The following DLEC1 variants were observed in gnomAD, a reference collection of about 807,000 sequenced individuals.
The protein encoded by DLEC1 is DLEC1 cilia and flagella associated protein.
A neutral mutation model predicts 198.1 loss-of-function variants in DLEC1; 146 were observed. That is an observed-to-expected ratio of 0.74 (90% CI 0.64 to 0.85). The LOEUF is 0.85. DLEC1 is among the 40% of genes least tolerant of loss of function. The pLI, the probability that DLEC1 is intolerant of heterozygous loss-of-function variation, is 0.00. For synonymous variants in DLEC1, 897 were observed against 866.8 expected, an observed-to-expected ratio of 1.03 and a Z score of -0.61; for missense variants, 2,233 against 2,220.0, an observed-to-expected ratio of 1.01 and a Z score of -0.12.
chr3:38,058,370 C>T (rs1696492148), intron 2 of DLEC1, among the ~76,000 whole-genome samples: 1 of 152,174 alleles, frequency 6.6e-6, no homozygotes, highest in Non-Finnish European at 1.5e-5. Context: ...CAAAACCAGA[C>T]ATAGCCGCTT....
At chr3:38,075,051 A>G (rs1163523208) in intron 6 of DLEC1, among the ~76,000 whole-genome samples, 2 of 151,866 alleles carry the variant, frequency 1.3e-5, no homozygotes, top group Non-Finnish European at 2.9e-5. Context: ...GGAAGAGCGG[A>G]GGCTGAGGAA....
At chr3:38,070,666 G>T (rs1225954335) in intron 6 of DLEC1, among the ~76,000 whole-genome samples, 1 of 152,114 alleles carries the variant, frequency 6.6e-6, no homozygotes, top group Non-Finnish European at 1.5e-5. Context: ...AGTCAAAGGG[G>T]GTTTGTTCTC....
intron 19 of DLEC1, among the ~76,000 whole-genome samples, chr3:38,105,313 C>G (rs1699514244): frequency 6.6e-6 from 1 of 152,046 alleles, no homozygotes; most frequent in Non-Finnish European, 1.5e-5. Context: ...TTTAAATCTT[C>G]TATTTCAATG....
rs368419346 is a variant in DLEC1, at chr3:38,077,661, GGAA to G, written c.1174-6493_1174-6491del. 2.2e-4 allele frequency among the ~76,000 whole-genome samples: 34 copies of G among 152,292 alleles called. 2 individuals are homozygous for G. Among genetic ancestry groups the G allele is most frequent in the East Asian group, 1.9e-3 (10 of 5,188 alleles). On this transcript the variant is annotated intron_variant, in intron 6 of 36. Coordinates refer to ENST00000308059, the MANE Select transcript of DLEC1 (RefSeq NM_007335.4). ...ACTGAGGAATTATGTCTGACAGAAG[GGAA>G]GAAATTACTGGGATGGCCTTCTCAG...
At chr3:38,114,493 T>G in intron 26 of DLEC1, 33 bp downstream of exon 26, 1 of 1,605,988 alleles carries the variant, frequency 6.2e-7, no homozygotes, top group East Asian at 2.2e-5. Context: ...CTCTGCTCCC[T>G]GGTAGCCCCT....
intron 11 of DLEC1, 116 bp downstream of exon 11, chr3:38,092,996 C>A: frequency 1.0e-6 from 1 of 981,990 alleles, no homozygotes; most frequent in Non-Finnish European, 1.6e-6. Context: ...GTCAGGAGCG[C>A]ACATTAAGAA....
At position 38,120,604 on chromosome 3, in the gene DLEC1, A is replaced by C. The variant is rs370526582; in HGVS notation, c.4861A>C (p.Thr1621Pro). ...NLLLEYTNQT[T>P]QVVPLRAVVA... Reference sequence around the variant, plus strand: ...GCTCCTGGAGTACACCAACCAGACCACTCAGGCACGCCCCAGGCCCACCTA... The same window carrying C: ...GCTCCTGGAGTACACCAACCAGACCCCTCAGGCACGCCCCAGGCCCACCTA... Residue 1621 changes from threonine to proline, a missense_variant, in exon 34 of 37, where the codon ACT (threonine) becomes CCT (proline). Thr to Pro is a conservative substitution (Grantham distance 38). Coordinates refer to ENST00000308059, the MANE Select transcript of DLEC1 (RefSeq NM_007335.4). 13 of 1,612,884 alleles carry C rather than the reference A, an allele frequency of 8.1e-6. No homozygotes were observed. The highest frequency in any genetic ancestry group is 1.9e-4 in the Middle Eastern group (1 of 5,246).
At chr3:38,084,048 T>C (rs1698211227) in intron 6 of DLEC1, 110 bp from the exon 7 acceptor site, 1 of 1,033,846 alleles carries the variant, frequency 9.7e-7, no homozygotes. Context: ...TGGCCAAGCC[T>C]ATTTCATTTC....
At chr3:38,083,315 T>G in intron 6 of DLEC1, among the ~76,000 whole-genome samples, 1 of 150,086 alleles carries the variant, frequency 6.7e-6, no homozygotes, top group South Asian at 2.1e-4. Context: ...TTTATAAGAT[T>G]TGGGTGGGTA....
intron 20 of DLEC1, 61 bp from the exon 21 acceptor site, chr3:38,108,343 TG>T: frequency 7.2e-7 from 1 of 1,394,246 alleles, no homozygotes; most frequent in Non-Finnish European, 1.0e-6. Context: ...GAGCACTCTC[TG>T]GATACTGGTC....
rs1281231136 is a variant in DLEC1, at chr3:38,055,512, T to C, written c.563-4230T>C. On this transcript the variant is annotated intron_variant, in intron 2 of 36. Coordinates refer to ENST00000308059, the MANE Select transcript of DLEC1 (RefSeq NM_007335.4). ...ATCAGCTTAGAATCAGGCATTGAAA[T>C]AGATGGTTGTTCAAGAATCTGCTTA... is the stretch of plus-strand genomic sequence containing the variant. Among the ~76,000 whole-genome samples, 3 of 151,374 alleles carry C rather than the reference T, an allele frequency of 2.0e-5. No homozygotes were observed. In the East Asian group the frequency reaches 5.9e-4, roughly 30 times the overall value.
At chr3:38,106,755 CAAAAAAAAAAAA>C (rs4019982) in intron 19 of DLEC1, among the ~76,000 whole-genome samples, 4 of 38,980 alleles carry the variant, frequency 1.0e-4, no homozygotes, top group African/African-American at 4.0e-4. Flanking sequence ...GACTCTATCT[CAAAAAAAAAAAA>C]AAAAAAAAAA....
intron 6 of DLEC1, among the ~76,000 whole-genome samples, chr3:38,072,379 G>A (rs867929645): frequency 6.6e-5 from 10 of 152,206 alleles, no homozygotes; most frequent in African/African-American, 1.2e-4. Context: ...GCCACTGCAC[G>A]GAGACATGAT....
chr3:38,059,779 G>C lies in DLEC1; in HGVS notation c.600G>C (p.Leu200Phe), dbSNP rs1559403649. ...CCAGATGGTGTATAGACAGCGAGTTGCTACGGAAACATCATTTGATCTCCC... is the reference window on the plus strand; with the variant it reads ...CCAGATGGTGTATAGACAGCGAGTTCCTACGGAAACATCATTTGATCTCCC... ...SVSRWCIDSE[L>F]LRKHHLISPE... is the part of the protein sequence containing the mutation. The change falls in exon 3 of 37, where the codon TTG becomes TTC. Residue 200 changes from leucine to phenylalanine, a missense_variant. Transcript: ENST00000308059. 6.2e-7 allele frequency: 1 copy of C among 1,614,144 alleles called. No individual in the cohort carries two copies.
In DLEC1 at chr3:38,117,594, G is replaced by A. The variant is rs370289865; in HGVS notation, c.4468G>A (p.Glu1490Lys). The stretch of plus-strand genomic sequence containing the variant: ...GTGCCAGGCCAGTGACCTCATTCCC[G>A]AGCAGCCCTGCTCTGGGGTGAGTGT... ...FQCQASDLIP[E>K]QPCSGVLSEL... The change falls in exon 32 of 37, where the codon GAG (glutamate) becomes AAG (lysine). Residue 1490 changes from glutamate to lysine, a missense_variant. By Grantham distance (56) the Glu-to-Lys change is moderately conservative. Coordinates refer to ENST00000308059, the MANE Select transcript of DLEC1 (RefSeq NM_007335.4). 94 of 1,613,976 alleles carry A rather than the reference G, an allele frequency of 5.8e-5. No individual in the cohort carries two copies. Among genetic ancestry groups the A allele is most frequent in the African/African-American group, 2.0e-4 (15 of 74,908 alleles).
chr3:38,051,967 T>C lies in DLEC1; in HGVS notation c.562+6274T>C, dbSNP rs777239388. The C allele has an allele frequency of 3.6e-4, 64 of 178,264 alleles. No individual in the cohort carries two copies. The Middle Eastern group carries it at 9.4e-3, about 26-fold the overall frequency. The allele number at this position is 178,264 out of a possible 1,614,324, so 11.0% of individuals were successfully genotyped here. A position where few individuals can be genotyped will look rare whatever the true frequency, so the allele number is the denominator to read the frequency against. On this transcript the variant is annotated intron_variant, in intron 2 of 36. Transcript: ENST00000308059. Reference sequence around the variant, plus strand: ...ATTTATGACACTTAGAAATCACACATAGACATTTTGACGTGGTAGACATCA... The same window carrying C: ...ATTTATGACACTTAGAAATCACACACAGACATTTTGACGTGGTAGACATCA...
At chr3:38,055,236 A>C (rs1696295742) in intron 2 of DLEC1, among the ~76,000 whole-genome samples, 1 of 152,366 alleles carries the variant, frequency 6.6e-6, no homozygotes, top group Non-Finnish European at 1.5e-5. Context: ...TGAGGCTTAA[A>C]GTGACAGTGG....
chr3:38,112,078 G>GC lies in DLEC1; in HGVS notation c.3515-131dup, dbSNP rs1477209386. 1 of 1,392,730 alleles carries GC rather than the reference G, an allele frequency of 7.2e-7. No individual in the cohort carries two copies. The highest frequency in any genetic ancestry group is 2.3e-5 in the East Asian group (1 of 43,456). The allele number at this position is 1,392,730 out of a possible 1,614,324, so 86.3% of individuals were successfully genotyped here. ...TGGATTCCAGGCTCCCAGGAGGAGGGCACATGTAGCCTGACCAAGGAGAGG... is the reference window on the plus strand; with the variant it reads ...TGGATTCCAGGCTCCCAGGAGGAGGGCCACATGTAGCCTGACCAAGGAGAGG... On this transcript the variant is annotated intron_variant, in intron 24 of 36. Coordinates refer to ENST00000308059, the MANE Select transcript of DLEC1 (RefSeq NM_007335.4). The surrounding 1 kb of genome is among the most constrained non-coding windows in gnomAD (Gnocchi z 4.8).
At chr3:38,119,712 T>C (rs1700357085) in intron 33 of DLEC1, among the ~76,000 whole-genome samples, 2 of 152,098 alleles carry the variant, frequency 1.3e-5, no homozygotes, top group South Asian at 4.1e-4. Flanking sequence ...CCAGCTATTA[T>C]TTGCAGAGAT....
Sources: allele counts gnomAD v4.1 joint callset (sites outside exome capture counted in the v4.1 genomes callset), GRCh38; gene constraint gnomAD v4.1.1; non-coding constraint Gnocchi (gnomAD v3.1); transcripts MANE v1.5; gene names NCBI Gene and HGNC (gene_info 2026-07-23, HGNC 2026-07-21).